Variants in GRIK1 observed in about 807,000 individuals in gnomAD.
The protein encoded by GRIK1 is glutamate ionotropic receptor kainate type subunit 1, also known as glutamate receptor ionotropic, kainate 1.
A neutral mutation model predicts 105.7 loss-of-function variants in GRIK1; 69 were observed. The ratio of observed to expected loss-of-function variants is 0.65; its 90% confidence interval spans 0.54 to 0.80. GRIK1 has a LOEUF of 0.80. GRIK1 is among the 30% of genes least tolerant of loss of function. The pLI, the probability that GRIK1 is intolerant of heterozygous loss-of-function variation, is 0.00. For synonymous variants in GRIK1, 438 were observed against 431.3 expected (o/e 1.02, Z -0.19); for missense variants, 1,109 against 1,167.3 (o/e 0.95, Z 0.73).
At chr21:29,708,758 A>G (rs57787783) in intron 1 of GRIK1, among the ~76,000 whole-genome samples, 32,813 of 152,124 alleles carry the variant, frequency 0.22, 5,035 homozygotes, top group African/African-American at 0.43. Context: ...TTTCAGCAAA[A>G]ATCCATCTTT....
chr21:29,818,660 C>A (rs1485013897), intron 1 of GRIK1, among the ~76,000 whole-genome samples: 1 of 152,098 alleles, frequency 6.6e-6, no homozygotes, highest in Non-Finnish European at 1.5e-5. Flanking sequence ...CCTGGGATTT[C>A]TTTCTCAGTA....
chr21:29,711,884 A>G (rs1474076819), intron 1 of GRIK1, among the ~76,000 whole-genome samples: 1 of 151,830 alleles, frequency 6.6e-6, no homozygotes, highest in Non-Finnish European at 1.5e-5. Context: ...CAAGTATGTT[A>G]CTGAAAATAA....
Position 29,561,350 on chromosome 21 carries a change from A to G in GRIK1, c.2356+274T>C, listed in dbSNP as rs561459220. Among the ~76,000 whole-genome samples, 5 of 152,298 alleles carry G rather than the reference A, an allele frequency of 3.3e-5. No individual in the cohort carries two copies. In the East Asian group the frequency reaches 7.7e-4, roughly 23 times the overall value. On this transcript the variant is annotated intron_variant, in intron 15 of 17. Coordinates refer to ENST00000327783, the MANE Select transcript of GRIK1 (RefSeq NM_001330994.2). ...ATTAATTAGAAATATATTCTCTTTA[A>G]GATATTTGGGGTGAAATAATAAAAT... is the stretch of plus-strand genomic sequence containing the variant.
At chr21:29,718,681 A>G (rs989751534) in intron 1 of GRIK1, among the ~76,000 whole-genome samples, 2 of 152,218 alleles carry the variant, frequency 1.3e-5, no homozygotes, top group African/African-American at 4.8e-5. Context: ...CGGCAGGTGC[A>G]CAGGAGCCCT....
intron 16 of GRIK1, among the ~76,000 whole-genome samples, chr21:29,538,251 C>A (rs1371350556): frequency 1.3e-5 from 2 of 152,060 alleles, no homozygotes; most frequent in Non-Finnish European, 2.9e-5. Context: ...AGAGAAATTT[C>A]TAAAAAGTAG....
intron 1 of GRIK1, among the ~76,000 whole-genome samples, chr21:29,882,804 C>T (rs145813431): frequency 6.6e-6 from 1 of 152,006 alleles, no homozygotes; most frequent in African/African-American, 2.4e-5. Flanking sequence ...TCTTGTTTAT[C>T]CTTTAAGTCT....
chr21:29,648,209 A>G (rs2062656832), intron 6 of GRIK1, among the ~76,000 whole-genome samples: 1 of 152,184 alleles, frequency 6.6e-6, no homozygotes, highest in Non-Finnish European at 1.5e-5. Context: ...TATGCACCAC[A>G]TACCAATATG....
chr21:29,860,173 G>A (rs2068592246), intron 1 of GRIK1, among the ~76,000 whole-genome samples: 2 of 152,178 alleles, frequency 1.3e-5, no homozygotes, highest in Non-Finnish European at 2.9e-5. Flanking sequence ...AAGATGCCTG[G>A]TGTCTAACTG....
intron 1 of GRIK1, among the ~76,000 whole-genome samples, chr21:29,787,504 T>C (rs982148125): frequency 1.2e-4 from 18 of 152,240 alleles, no homozygotes; most frequent in African/African-American, 4.1e-4. Context: ...ACTTTTCTCT[T>C]GGCAAGTATA....
intron 5 of GRIK1, among the ~76,000 whole-genome samples, chr21:29,653,504 C>T (rs925627368): frequency 2.6e-5 from 4 of 152,178 alleles, no homozygotes; most frequent in Non-Finnish European, 4.4e-5. Flanking sequence ...TTCCATTATT[C>T]GTATTCCTTC....
intron 16 of GRIK1, among the ~76,000 whole-genome samples, chr21:29,543,596 T>C (rs2090004627): frequency 6.6e-6 from 1 of 152,146 alleles, no homozygotes; most frequent in Non-Finnish European, 1.5e-5. Context: ...CACCCATCCT[T>C]GGAATTTAAA....
At chr21:29,812,081 C>T (rs1755681232) in intron 1 of GRIK1, among the ~76,000 whole-genome samples, 1 of 152,122 alleles carries the variant, frequency 6.6e-6, no homozygotes, top group African/African-American at 2.4e-5. Context: ...GTGAAATTGA[C>T]ACCTATGTGT....
chr21:29,873,834 C>A (rs149778950), intron 1 of GRIK1, among the ~76,000 whole-genome samples: 71 of 152,294 alleles, frequency 4.7e-4, no homozygotes, highest in African/African-American at 1.7e-3. Context: ...GGTCTCCCGC[C>A]TTTTTGGCAC....
chr21:29,612,262 A>G (rs1470685806), intron 7 of GRIK1, among the ~76,000 whole-genome samples: 1 of 152,164 alleles, frequency 6.6e-6, no homozygotes, highest in East Asian at 1.9e-4. Flanking sequence ...CTTGCTAGCA[A>G]TGCCTTTCAC....
rs3026005 is a variant in GRIK1 at position 29,674,080 on chromosome 21, T to A, written c.545-916A>T. On this transcript the variant is annotated intron_variant, in intron 3 of 17. Transcript: ENST00000327783. ...AAATTGAGTTTTTTTTTTTGTTGTT[T>A]TTTTTTTTTAGTATGCAGTTCTGTA... Among the ~76,000 whole-genome samples, 4 of 151,656 alleles carry A rather than the reference T, an allele frequency of 2.6e-5. No individual in the cohort carries two copies. In the East Asian group the frequency reaches 7.7e-4, roughly 29 times the overall value.
At chr21:29,924,733 A>G (rs2071302423) in intron 1 of GRIK1, among the ~76,000 whole-genome samples, 1 of 152,132 alleles carries the variant, frequency 6.6e-6, no homozygotes, top group Non-Finnish European at 1.5e-5. Context: ...TGAGTAAAAC[A>G]TTGGCTCTGC....
chr21:29,788,388 A>G (rs2066319470), intron 1 of GRIK1, among the ~76,000 whole-genome samples: 1 of 152,210 alleles, frequency 6.6e-6, no homozygotes, highest in Non-Finnish European at 1.5e-5. Context: ...GAAGTCTTTG[A>G]GCAGGAACAT....
chr21:29,877,082 C>G (rs1412258394), intron 1 of GRIK1, among the ~76,000 whole-genome samples: 1 of 152,074 alleles, frequency 6.6e-6, no homozygotes, highest in Non-Finnish European at 1.5e-5. Flanking sequence ...TAAGGCTGAT[C>G]TTTTAGAAAT....
At chr21:29,813,742 G>A (rs888602728) in intron 1 of GRIK1, among the ~76,000 whole-genome samples, 2 of 151,892 alleles carry the variant, frequency 1.3e-5, no homozygotes, top group African/African-American at 4.8e-5. Flanking sequence ...TGTATGCCAG[G>A]TTTTTCCTCT....
Sources: allele counts gnomAD v4.1 joint callset (sites outside exome capture counted in the v4.1 genomes callset), GRCh38; gene constraint gnomAD v4.1.1; transcripts MANE v1.5; gene names NCBI Gene and HGNC (gene_info 2026-07-23, HGNC 2026-07-21).